Variants in FNDC3B observed in about 807,000 individuals in gnomAD.
FNDC3B encodes the protein fibronectin type III domain containing 3B.
In FNDC3B, 12 loss-of-function variants were observed where a neutral mutation model predicts 151.5. The observed-to-expected ratio is 0.08, with a 90% CI of 0.05 to 0.13. The LOEUF is 0.13. Among genes scored for constraint, FNDC3B ranks in the 10% least tolerant of loss-of-function variants. The pLI, the probability that FNDC3B is intolerant of heterozygous loss-of-function variation, is 1.00. For missense variants in FNDC3B, 1,214 were observed against 1,505.3 expected (o/e 0.81, Z 3.20); for synonymous variants, 528 against 549.0 (o/e 0.96, Z 0.54).
chr3:172,293,156 G>T (rs928505974), intron 7 of FNDC3B, among the ~76,000 whole-genome samples: 1 of 152,176 alleles, frequency 6.6e-6, no homozygotes, highest in Admixed American at 6.6e-5. Context: ...CACAGGGTGA[G>T]GTATGACCAT....
chr3:172,326,226 TTTTG>T (rs1397445600), intron 11 of FNDC3B, among the ~76,000 whole-genome samples: 1 of 152,238 alleles, frequency 6.6e-6, no homozygotes, highest in African/African-American at 2.4e-5. Context: ...TTTCCCTTGT[TTTTG>T]TTTTATTCTC....
chr3:172,057,636 G>A (rs772221834), intron 1 of FNDC3B, among the ~76,000 whole-genome samples: 1 of 151,460 alleles, frequency 6.6e-6, no homozygotes, highest in Non-Finnish European at 1.5e-5. Flanking sequence ...CTATGAGAGT[G>A]AATGAGCTAG....
chr3:172,267,964 C>G (rs1447027132), intron 6 of FNDC3B, among the ~76,000 whole-genome samples: 2 of 152,072 alleles, frequency 1.3e-5, no homozygotes, highest in Admixed American at 6.5e-5. Flanking sequence ...TTCTGTGGAC[C>G]CTGAGGTGTC....
At chr3:172,376,332 C>T (rs1735141210) in intron 23 of FNDC3B, among the ~76,000 whole-genome samples, 1 of 152,068 alleles carries the variant, frequency 6.6e-6, no homozygotes, top group African/African-American at 2.4e-5. Flanking sequence ...GGTCTGGGTC[C>T]AAATATATAT....
chr3:172,292,683 G>T (rs1730408468), intron 7 of FNDC3B, among the ~76,000 whole-genome samples: 1 of 152,192 alleles, frequency 6.6e-6, no homozygotes, highest in African/African-American at 2.4e-5. Flanking sequence ...CACCTTGGCT[G>T]AGTGTTTTCC....
intron 5 of FNDC3B, among the ~76,000 whole-genome samples, chr3:172,248,890 G>A (rs913146701): frequency 4.0e-5 from 6 of 150,894 alleles, no homozygotes; most frequent in South Asian, 4.2e-4. Context: ...TGTAGTCAAA[G>A]AAATTTGACA....
At chr3:172,297,945 A>G (rs1006576563) in intron 8 of FNDC3B, among the ~76,000 whole-genome samples, 3 of 152,342 alleles carry the variant, frequency 2.0e-5, no homozygotes, top group Middle Eastern at 3.4e-3. Flanking sequence ...TGGTCTATAA[A>G]TAATGCCTGT....
At chr3:172,192,189 T>TC (rs763910931) in intron 3 of FNDC3B, among the ~76,000 whole-genome samples, 165 of 149,514 alleles carry the variant, frequency 1.1e-3, no homozygotes, top group Non-Finnish European at 2.0e-3. Context: ...TTTTTTTTTT[T>TC]TGAGAGGGAG....
chr3:172,389,109 C>A (rs1361607420), intron 25 of FNDC3B, among the ~76,000 whole-genome samples: 2 of 152,086 alleles, frequency 1.3e-5, no homozygotes, highest in Non-Finnish European at 2.9e-5. Flanking sequence ...GCTTTTGGAT[C>A]TCATATTTTA....
At chr3:172,132,226 A>G (rs1721140924) in intron 2 of FNDC3B, among the ~76,000 whole-genome samples, 1 of 152,184 alleles carries the variant, frequency 6.6e-6, no homozygotes, top group South Asian at 2.1e-4. Context: ...GTACAGGAAG[A>G]GTATCACAGA....
chr3:172,283,341 G>C (rs1158562005), intron 6 of FNDC3B, among the ~76,000 whole-genome samples: 5 of 152,102 alleles, frequency 3.3e-5, no homozygotes, highest in African/African-American at 9.7e-5. Flanking sequence ...AAAGCAAGGT[G>C]GGAGGGGGCG....
chr3:172,357,360 TAAACA>T (rs1734146193), intron 22 of FNDC3B, among the ~76,000 whole-genome samples: 1 of 152,222 alleles, frequency 6.6e-6, no homozygotes. Context: ...TAATGCAAAT[TAAACA>T]AAACAAAGAG....
chr3:172,234,755 G>A (rs575072431), intron 4 of FNDC3B, among the ~76,000 whole-genome samples: 16 of 152,094 alleles, frequency 1.1e-4, no homozygotes, highest in Non-Finnish European at 2.1e-4. Flanking sequence ...TTATTTAATT[G>A]CACAATTATT....
In FNDC3B at chr3:172,330,528, T is replaced by C. The variant is rs1366170740; in HGVS notation, c.1380-13T>C. ...ATGCTTCTAACTGTGTGCCTCACTT[T>C]CTTTCTCTACAGTGGTTATAGCCAA... On this transcript the variant is annotated splice_polypyrimidine_tract_variant and intron_variant, in intron 12 of 25. Coordinates refer to ENST00000415807, the MANE Select transcript of FNDC3B (RefSeq NM_022763.4). 1.2e-6 allele frequency: 2 copies of C among 1,603,204 alleles called. No homozygotes were observed. Among genetic ancestry groups the C allele is most frequent in the Non-Finnish European group, 1.7e-6 (2 of 1,172,860 alleles).
At chr3:172,343,537 C>G (rs1190578913) in intron 18 of FNDC3B, among the ~76,000 whole-genome samples, 1 of 152,234 alleles carries the variant, frequency 6.6e-6, no homozygotes, top group African/African-American at 2.4e-5. Flanking sequence ...GCAACCACCT[C>G]TGCTGCATTG....
At chr3:172,250,511 C>A (rs1264847950) in intron 5 of FNDC3B, among the ~76,000 whole-genome samples, 17 of 152,204 alleles carry the variant, frequency 1.1e-4, no homozygotes, top group Admixed American at 1.1e-3. Context: ...ACTATTCTGT[C>A]TACAGGGATG....
chr3:172,124,978 C>A (rs1289294736), intron 2 of FNDC3B, among the ~76,000 whole-genome samples: 3 of 152,182 alleles, frequency 2.0e-5, no homozygotes, highest in African/African-American at 7.2e-5. Context: ...ACTGGCAAAT[C>A]ACAGAGCTGG....
At chr3:172,149,227 GA>G (rs1053187380) in intron 3 of FNDC3B, among the ~76,000 whole-genome samples, 1 of 152,130 alleles carries the variant, frequency 6.6e-6, no homozygotes, top group African/African-American at 2.4e-5. Flanking sequence ...AAATTCACTT[GA>G]AAAGTCATTG....
chr3:172,282,582 C>A (rs1729790696), intron 6 of FNDC3B, among the ~76,000 whole-genome samples: 1 of 152,196 alleles, frequency 6.6e-6, no homozygotes, highest in Admixed American at 6.5e-5. Flanking sequence ...AGATAGGTGG[C>A]CTTTGCTCTA....
Sources: gnomAD v4.1 joint callset for allele counts (sites outside exome capture counted in the v4.1 genomes callset) on GRCh38, gnomAD v4.1.1 for gene constraint, MANE v1.5 for transcripts, NCBI Gene and HGNC (gene_info 2026-07-23, HGNC 2026-07-21) for gene names.